Variants in CLPX observed in about 807,000 individuals in gnomAD.
The protein encoded by CLPX is ATP-dependent clpX-like chaperone, mitochondrial.
A neutral mutation model predicts 76.4 loss-of-function variants in CLPX; 34 were observed. The observed-to-expected ratio is 0.45, with a 90% CI of 0.34 to 0.59. CLPX has a LOEUF of 0.59. Among genes scored for constraint, CLPX ranks in the 20% least tolerant of loss-of-function variants. The pLI is 0.01. For missense variants in CLPX, 613 were observed against 757.0 expected, an observed-to-expected ratio of 0.81 and a Z score of 2.23; for synonymous variants, 248 against 270.9, an observed-to-expected ratio of 0.92 and a Z score of 0.83.
intron 1 of CLPX, among the ~76,000 whole-genome samples, chr15:65,183,035 C>T (rs1224763123): frequency 6.6e-6 from 1 of 150,742 alleles, no homozygotes; most frequent in Non-Finnish European, 1.5e-5. Flanking sequence ...TGGTGGCGCG[C>T]GCCTGTAACC....
chr15:65,170,602 T>C (rs2087988270), intron 3 of CLPX, among the ~76,000 whole-genome samples: 1 of 151,796 alleles, frequency 6.6e-6, no homozygotes, highest in South Asian at 2.1e-4. Flanking sequence ...CTGTCTTTAC[T>C]AAAAATACAA....
intron 10 of CLPX, 89 bp downstream of exon 10, chr15:65,155,603 A>G (rs1453502395): frequency 9.1e-7 from 1 of 1,095,124 alleles, no homozygotes; most frequent in East Asian, 2.4e-5. Flanking sequence ...TAAAACTATG[A>G]CTGGTAGCCC....
chr15:65,151,453 G>GGA (rs1338638837), intron 13 of CLPX, among the ~76,000 whole-genome samples: 1 of 109,294 alleles, frequency 9.1e-6, no homozygotes, highest in Middle Eastern at 4.8e-3. Flanking sequence ...TTTATTACTG[G>GGA]GAGAAAAAAA....
At chr15:65,159,357 C>T (rs1016407943) in intron 6 of CLPX, among the ~76,000 whole-genome samples, 6 of 152,132 alleles carry the variant, frequency 3.9e-5, no homozygotes, top group Admixed American at 6.6e-5. Context: ...CAGATTCCTA[C>T]AAAAATAAAT....
chr15:65,177,838 T>G (rs1459647199), intron 3 of CLPX, among the ~76,000 whole-genome samples: 1 of 152,154 alleles, frequency 6.6e-6, no homozygotes, highest in Non-Finnish European at 1.5e-5. Context: ...AGGTTCTTGC[T>G]TTGTCGCCGA....
At chr15:65,158,840 A>G (rs546772456) in intron 6 of CLPX, 89 bp from the exon 7 acceptor site, 30 of 1,068,092 alleles carry the variant, frequency 2.8e-5, no homozygotes, top group Non-Finnish European at 3.7e-5. Context: ...AAAACTAAAT[A>G]TCGACATAGA....
chr15:65,185,331 A>G lies in CLPX; in HGVS notation c.-178T>C. On this transcript the variant is annotated 5_prime_UTR_variant, in exon 1 of 14. Coordinates refer to ENST00000300107, the MANE Select transcript of CLPX (RefSeq NM_006660.5). The stretch of plus-strand genomic sequence containing the variant: ...ACGCTTCTCTGCCCCACAGCCGTCT[A>G]TTCACCAGAGTAGACACCCAACCCC... 1.7e-6 allele frequency: 1 copy of G among 579,362 alleles called. No homozygotes were observed. The highest frequency in any genetic ancestry group is 3.1e-5 in the Admixed American group (1 of 31,870). The allele number at this position is 579,362 out of a possible 1,614,324, so 35.9% of individuals were successfully genotyped here.
intron 1 of CLPX, among the ~76,000 whole-genome samples, chr15:65,181,777 T>C (rs529872602): frequency 6.7e-6 from 1 of 148,548 alleles, no homozygotes; most frequent in South Asian, 2.1e-4. Flanking sequence ...AATAAATAAA[T>C]AAATAAATAA....
intron 5 of CLPX, among the ~76,000 whole-genome samples, chr15:65,163,549 G>GT (rs909924865): frequency 6.6e-6 from 1 of 152,064 alleles, no homozygotes; most frequent in African/African-American, 2.4e-5. Flanking sequence ...ATGCATAATT[G>GT]TTTTTAATAA....
chr15:65,164,453 G>A (rs1019838992), intron 4 of CLPX, among the ~76,000 whole-genome samples: 4 of 152,080 alleles, frequency 2.6e-5, no homozygotes, highest in Non-Finnish European at 5.9e-5. Flanking sequence ...TATAAACAAT[G>A]CTATCAATCT....
intron 13 of CLPX, among the ~76,000 whole-genome samples, chr15:65,151,865 ACATT>A (rs1271559114): frequency 6.6e-6 from 1 of 152,210 alleles, no homozygotes; most frequent in Non-Finnish European, 1.5e-5. Context: ...TGCATAGTAA[ACATT>A]TATTGAATAA....
chr15:65,163,677 G>A (rs1006672350), intron 5 of CLPX, among the ~76,000 whole-genome samples: 4 of 151,998 alleles, frequency 2.6e-5, no homozygotes, highest in Non-Finnish European at 4.4e-5. Flanking sequence ...TAGTAGAGAC[G>A]GAGTTTCCCA....
chr15:65,155,573 G>A, intron 10 of CLPX, 119 bp downstream of exon 10: 2 of 869,038 alleles, frequency 2.3e-6, no homozygotes, highest in Non-Finnish European at 3.6e-6. Flanking sequence ...TATGCTCTAA[G>A]AAAACCCAAC....
At chr15:65,151,683 T>C (rs1241631782) in intron 13 of CLPX, among the ~76,000 whole-genome samples, 1 of 152,116 alleles carries the variant, frequency 6.6e-6, no homozygotes, top group Non-Finnish European at 1.5e-5. Context: ...TCAATGTCAT[T>C]AAACAATAAA....
At chr15:65,153,285 A>G (rs2087747417) in intron 12 of CLPX, among the ~76,000 whole-genome samples, 1 of 152,010 alleles carries the variant, frequency 6.6e-6, no homozygotes, top group Non-Finnish European at 1.5e-5. Flanking sequence ...CCCCATCTCC[A>G]CTAAAAATAC....
chr15:65,155,206 AT>A, intron 10 of CLPX, 125 bp from the exon 11 acceptor site: 2 of 908,862 alleles, frequency 2.2e-6, no homozygotes, highest in Non-Finnish European at 3.2e-6. Flanking sequence ...TATCATTTAC[AT>A]TTTACAAAGG....
Position 65,185,120 on chromosome 15 carries a change from C to T in CLPX, c.34G>A (p.Ala12Thr), listed in dbSNP as rs771502289. The change falls in exon 1 of 14, where the codon GCG becomes ACG. Residue 12 changes from alanine (A) to threonine (T), a missense_variant. Coordinates refer to ENST00000300107, the MANE Select transcript of CLPX (RefSeq NM_006660.5). ...GAGGAGGTGATGAGCCGGACGGCCG[C>T]CGCGCCGCAAGTACAAGCACCGCAG... ...PSCGACTCGA[A>T]AVRLITSSLA... The T allele has an allele frequency of 1.9e-6, 3 of 1,580,612 alleles. No homozygotes were observed. The highest frequency in any genetic ancestry group is 2.7e-5 in the African/African-American group (2 of 74,624).
chr15:65,149,599 C>T lies in CLPX; in HGVS notation c.*1224G>A, dbSNP rs937033378. The T allele has an allele frequency of 1.8e-5, 8 of 451,722 alleles. No homozygotes were observed. The highest frequency in any genetic ancestry group is 3.1e-5 in the South Asian group (2 of 63,970). The allele number at this position is 451,722 out of a possible 1,614,324, so 28.0% of individuals were successfully genotyped here. A position where few individuals can be genotyped will look rare whatever the true frequency, so the allele number is the denominator to read the frequency against. On this transcript the variant is annotated 3_prime_UTR_variant, in exon 14 of 14. Transcript: ENST00000300107. ...AAATAAGGCCGGGTGTGGTGGCTTA[C>T]GCCTGCAATCCCAGCACTTTGGGAG...
rs1423447787 is a variant in CLPX at position 65,157,917 on chromosome 15, A to G, written c.893-7T>C. ...TGTGCCAGCAGAGTTTTACCTACAA[A>G]TAGAAACAGTCACTAAAAGTTTACT... On this transcript the variant is annotated splice_polypyrimidine_tract_variant and splice_region_variant and intron_variant, in intron 7 of 13. Transcript: ENST00000300107. 6.4e-7 allele frequency: 1 copy of G among 1,565,392 alleles called. No individual in the cohort carries two copies.
Sources: allele counts gnomAD v4.1 joint callset (sites outside exome capture counted in the v4.1 genomes callset), GRCh38; gene constraint gnomAD v4.1.1; transcripts MANE v1.5; gene names NCBI Gene and HGNC (gene_info 2026-07-23, HGNC 2026-07-21).